HHLA2: variants seen among roughly 807,000 people sequenced by gnomAD.
HHLA2 encodes the protein HHLA2 member of B7 family, also known as HERV-H LTR-associating protein 2.
A neutral mutation model predicts 45.9 loss-of-function variants in HHLA2; 48 were observed. The observed-to-expected ratio is 1.05, with a 90% CI of 0.83 to 1.33. The LOEUF (loss-of-function observed/expected upper bound fraction) is 1.33, where lower values mean the gene tolerates loss of function less well. HHLA2 is among the 40% of genes most tolerant of loss of function. The probability of loss-of-function intolerance (pLI) is 0.00; values close to 1 mark genes in which losing one functional copy is unlikely to be tolerated. For synonymous variants in HHLA2, 161 were observed against 173.9 expected (o/e 0.93, Z 0.59); for missense variants, 462 against 494.3 (o/e 0.93, Z 0.62).
chr3:108,358,434 C>T (rs967672512), intron 7 of HHLA2, among the ~76,000 whole-genome samples: 7 of 152,240 alleles, frequency 4.6e-5, no homozygotes, highest in South Asian at 4.1e-4. Context: ...TGACTCCATG[C>T]GCTGAGCATC....
At chr3:108,360,618 T>C (rs1210426188) in intron 7 of HHLA2, among the ~76,000 whole-genome samples, 1 of 152,198 alleles carries the variant, frequency 6.6e-6, no homozygotes, top group Non-Finnish European at 1.5e-5. Flanking sequence ...ATGGGGGTAG[T>C]GTGTACAACG....
Position 108,351,789 on chromosome 3 carries a change from A to G in HHLA2, c.-25A>G. 2 of 1,605,758 alleles carry G rather than the reference A, an allele frequency of 1.2e-6. No individual in the cohort carries two copies. Among genetic ancestry groups the G allele is most frequent in the Middle Eastern group, 1.7e-4 (1 of 6,040 alleles). On this transcript the variant is annotated splice_region_variant and 5_prime_UTR_variant, in exon 4 of 11. An upstream start codon of the reference 5' UTR is lost. Transcript: ENST00000619531. ...GTGCACTTTACTTCTCTTTGATAGC[A>G]TGACTAATATGTTCTGCACAAGACA...
intron 1 of HHLA2, among the ~76,000 whole-genome samples, chr3:108,309,284 G>T (rs1424291406): frequency 1.3e-5 from 2 of 152,138 alleles, no homozygotes; most frequent in South Asian, 4.1e-4. Context: ...CCCAGTGAAT[G>T]TTCTTGGTAC....
At chr3:108,373,931 C>T (rs2082226613) in intron 8 of HHLA2, among the ~76,000 whole-genome samples, 1 of 150,874 alleles carries the variant, frequency 6.6e-6, no homozygotes, top group Non-Finnish European at 1.5e-5. Flanking sequence ...TCAATGCCAT[C>T]CCCATCAAGC....
chr3:108,321,111 A>AAAAAAAAAAAAAAAAAAAAAAAC, intron 2 of HHLA2, among the ~76,000 whole-genome samples: 1 of 146,300 alleles, frequency 6.8e-6, no homozygotes, highest in Non-Finnish European at 1.5e-5. Context: ...AAAAAAAAAA[A>AAAAAAAAAAAAAAAAAAAAAAAC]AGACTGTGCC....
At chr3:108,297,338 A>G (rs74908229) in intron 1 of HHLA2, among the ~76,000 whole-genome samples, 2 of 152,346 alleles carry the variant, frequency 1.3e-5, no homozygotes, top group East Asian at 3.9e-4. Context: ...ATTTCTGTCC[A>G]GAATGGCAAA....
intron 8 of HHLA2, among the ~76,000 whole-genome samples, chr3:108,366,586 G>A (rs971090648): frequency 3.9e-5 from 6 of 152,134 alleles, no homozygotes; most frequent in Non-Finnish European, 8.8e-5. Context: ...GGTAGAATTC[G>A]GCTGTGAATC....
chr3:108,341,981 G>A (rs768269424), intron 3 of HHLA2, among the ~76,000 whole-genome samples: 11 of 152,168 alleles, frequency 7.2e-5, no homozygotes, highest in Non-Finnish European at 1.5e-4. Context: ...TTCTGCTCTT[G>A]CATCCAATTT....
intron 3 of HHLA2, among the ~76,000 whole-genome samples, chr3:108,333,328 CT>C (rs1205539054): frequency 6.6e-6 from 1 of 152,088 alleles, no homozygotes; most frequent in Non-Finnish European, 1.5e-5. Flanking sequence ...TTTTTATTCC[CT>C]TGCAAAAAGC....
intron 3 of HHLA2, among the ~76,000 whole-genome samples, chr3:108,349,220 A>AAG (rs57926548): frequency 0.18 from 27,725 of 151,586 alleles, 2,975 homozygotes; most frequent in Non-Finnish European, 0.24. Flanking sequence ...TTAAAAAAAA[A>AAG]AATCAACAAA....
At chr3:108,347,635 G>C (rs2081690186) in intron 3 of HHLA2, among the ~76,000 whole-genome samples, 1 of 152,164 alleles carries the variant, frequency 6.6e-6, no homozygotes, top group South Asian at 2.1e-4. Flanking sequence ...ACAGTGGATT[G>C]GAAGGAGACA....
At chr3:108,306,256 C>T (rs558923246) in intron 1 of HHLA2, among the ~76,000 whole-genome samples, 4 of 152,216 alleles carry the variant, frequency 2.6e-5, no homozygotes, top group Admixed American at 6.5e-5. Context: ...CCTTGAACAT[C>T]GTGTCCCATC....
chr3:108,362,827 G>T (rs891162653), intron 8 of HHLA2, among the ~76,000 whole-genome samples: 3 of 152,054 alleles, frequency 2.0e-5, no homozygotes, highest in Admixed American at 2.0e-4. Context: ...TAATCATCCT[G>T]CATTGAAAAG....
chr3:108,312,208 C>T (rs937598277), intron 2 of HHLA2, among the ~76,000 whole-genome samples: 9 of 152,232 alleles, frequency 5.9e-5, no homozygotes, highest in Non-Finnish European at 1.3e-4. Flanking sequence ...TCCCTCCAGC[C>T]TTATGGGTTA....
rs201044678 is a variant in HHLA2 at position 108,373,948 on chromosome 3, T to C, written c.1109-1802T>C. ...AATGCCATCCCCATCAAGCTACCAATGACTTTCTTCACAGAATTGGAAGAA... is the reference window on the plus strand; with the variant it reads ...AATGCCATCCCCATCAAGCTACCAACGACTTTCTTCACAGAATTGGAAGAA... On this transcript the variant is annotated intron_variant, in intron 8 of 10. Coordinates refer to ENST00000619531, the Ensembl canonical transcript of HHLA2. Among the ~76,000 whole-genome samples the C allele has an allele frequency of 1.2e-3, 178 of 150,928 alleles. 1 individual carries two copies. The East Asian group carries it at 0.031, about 27-fold the overall frequency.
Position 108,304,818 on chromosome 3 carries a change from C to T in HHLA2, c.-191-5837C>T, listed in dbSNP as rs192807865. On this transcript the variant is annotated intron_variant, in intron 1 of 10. Coordinates refer to ENST00000619531, the Ensembl canonical transcript of HHLA2. ...GTCCATGTTGCTAGTCTTGGGGGTACAGCATCATTCTTGTTAGTTTCACTT... is the reference window on the plus strand; with the variant it reads ...GTCCATGTTGCTAGTCTTGGGGGTATAGCATCATTCTTGTTAGTTTCACTT... Among the ~76,000 whole-genome samples the T allele has an allele frequency of 1.5e-3, 235 of 152,286 alleles. 2 individuals are homozygous for T. Among genetic ancestry groups the T allele is most frequent in the Admixed American group, 3.1e-3 (48 of 15,292 alleles).
At chr3:108,302,327 T>C (rs2080863343) in intron 1 of HHLA2, among the ~76,000 whole-genome samples, 1 of 152,184 alleles carries the variant, frequency 6.6e-6, no homozygotes, top group Non-Finnish European at 1.5e-5. Context: ...TATTTTACCA[T>C]CCAGGGTTCA....
At chr3:108,372,757 A>G (rs1040184123) in intron 8 of HHLA2, among the ~76,000 whole-genome samples, 2 of 152,142 alleles carry the variant, frequency 1.3e-5, no homozygotes, top group South Asian at 2.1e-4. Flanking sequence ...TGACACATAC[A>G]CTCTCCCAAG....
At chr3:108,353,860 C>T (rs1218581492) in intron 5 of HHLA2, 80 bp downstream of exon 4, 27 of 967,234 alleles carry the variant, frequency 2.8e-5, no homozygotes, top group Admixed American at 8.3e-5. Context: ...CCTAATATGC[C>T]ATGAGCTTCC....
Sources: allele counts gnomAD v4.1 joint callset (sites outside exome capture counted in the v4.1 genomes callset), GRCh38; gene constraint gnomAD v4.1.1; transcripts MANE v1.5; gene names NCBI Gene and HGNC (gene_info 2026-07-23, HGNC 2026-07-21).